The following FGF14 variants were observed in gnomAD, a reference collection of about 807,000 sequenced individuals.
FGF14 encodes fibroblast growth factor 14, also known as fibroblast growth factor homologous factor 4.
FGF14 carries 5 observed loss-of-function variants against 25.5 expected under a neutral mutation model. The ratio of observed to expected loss-of-function variants is 0.20; its 90% CI spans 0.10 to 0.41. The LOEUF (loss-of-function observed/expected upper bound fraction) is 0.41, where lower values mean the gene tolerates loss of function less well. FGF14 is among the 10% of genes least tolerant of loss of function. The probability of loss-of-function intolerance (pLI) is 1.00; values close to 1 mark genes in which losing one functional copy is unlikely to be tolerated. For synonymous variants in FGF14, 138 were observed against 118.3 expected (o/e 1.17, Z -1.08); for missense variants, 222 against 320.1 (o/e 0.69, Z 2.34).
rs2034612217 is a variant in FGF14, at chr13:101,714,251, T to C, written c.*8580A>G. 1.7e-6 allele frequency: 1 copy of C among 593,072 alleles called. No homozygotes were observed. The highest frequency in any genetic ancestry group is 1.9e-5 in the African/African-American group (1 of 53,708). 36.7% of individuals were successfully genotyped at this position (593,072 alleles called of 1,614,324 possible). A position where few individuals can be genotyped will look rare whatever the true frequency, so the allele number is the denominator to read the frequency against. ...AACTGTCTAGATCCATAATGAAGGC[T>C]TTCCTGGGTGACCTTTATGAATTAC... On this transcript the variant is annotated 3_prime_UTR_variant, in exon 5 of 5. Transcript: ENST00000376143.
At chr13:102,317,068 C>T (rs2056060260) in intron 1 of FGF14, among the ~76,000 whole-genome samples, 1 of 152,088 alleles carries the variant, frequency 6.6e-6, no homozygotes, top group Non-Finnish European at 1.5e-5. Flanking sequence ...CCTTCTCAGA[C>T]ATGTGATATA....
At chr13:101,836,474 C>T (rs1039778144) in intron 3 of FGF14, among the ~76,000 whole-genome samples, 25 of 152,130 alleles carry the variant, frequency 1.6e-4, no homozygotes, top group African/African-American at 5.3e-4. Context: ...AAGTGAGGAC[C>T]TACCTGAGGT....
intron 1 of FGF14, among the ~76,000 whole-genome samples, chr13:101,954,671 G>A (rs1196107630): frequency 2.6e-5 from 4 of 151,944 alleles, no homozygotes; most frequent in African/African-American, 4.8e-5. Flanking sequence ...GAGGGCACTC[G>A]GCAGAAGACA....
intron 1 of FGF14, among the ~76,000 whole-genome samples, chr13:102,063,615 CAA>C (rs56352155): frequency 1.5e-5 from 2 of 136,720 alleles, no homozygotes; most frequent in Admixed American, 7.4e-5. Flanking sequence ...GACTCTGTCT[CAA>C]AAAAAAAAAA....
At chr13:101,960,941 C>T (rs539553545) in intron 1 of FGF14, among the ~76,000 whole-genome samples, 2 of 152,118 alleles carry the variant, frequency 1.3e-5, no homozygotes, top group South Asian at 2.1e-4. Context: ...CTTTAATGAT[C>T]GTTGATGTTT....
At chr13:101,843,017 T>C (rs1290646549) in intron 3 of FGF14, among the ~76,000 whole-genome samples, 2 of 152,042 alleles carry the variant, frequency 1.3e-5, no homozygotes, top group African/African-American at 2.4e-5. Flanking sequence ...ATACACACGA[T>C]TGAGGCTTTC....
chr13:101,875,814 C>T (rs1402214256), intron 1 of FGF14, among the ~76,000 whole-genome samples: 1 of 151,978 alleles, frequency 6.6e-6, no homozygotes, highest in African/African-American at 2.4e-5. Flanking sequence ...TTAGGAAAAG[C>T]CCCAATTTGG....
At chr13:101,985,001 A>C (rs60558059) in intron 1 of FGF14, among the ~76,000 whole-genome samples, 8,160 of 152,080 alleles carry the variant, frequency 0.054, 669 homozygotes, top group African/African-American at 0.18. Flanking sequence ...AAAATGTGAA[A>C]AAATAGCTAC....
intron 1 of FGF14, among the ~76,000 whole-genome samples, chr13:102,107,206 T>G (rs906225150): frequency 2.0e-5 from 3 of 152,220 alleles, no homozygotes. Context: ...GAGTTCAGTA[T>G]AGAAATTTGG....
At chr13:102,068,007 C>G (rs1355406034) in intron 1 of FGF14, among the ~76,000 whole-genome samples, 4 of 151,958 alleles carry the variant, frequency 2.6e-5, no homozygotes, top group African/African-American at 9.7e-5. Flanking sequence ...AGTGGCATGA[C>G]GTTTAAAGTG....
intron 1 of FGF14, among the ~76,000 whole-genome samples, chr13:102,273,433 G>C (rs1361528815): frequency 6.6e-6 from 1 of 152,148 alleles, no homozygotes; most frequent in Non-Finnish European, 1.5e-5. Context: ...AGAAGATTTG[G>C]AATGGCCTCC....
intron 1 of FGF14, among the ~76,000 whole-genome samples, chr13:102,145,766 A>C (rs1368477100): frequency 1.2e-4 from 18 of 152,208 alleles, no homozygotes; most frequent in Non-Finnish European, 4.4e-5. Flanking sequence ...TAACCAGTGC[A>C]TTGGTTATCT....
At chr13:102,381,139 T>C (rs9518712) in intron 1 of FGF14, among the ~76,000 whole-genome samples, 4,229 of 152,272 alleles carry the variant, frequency 0.028, 87 homozygotes, top group Admixed American at 0.04. Context: ...AGGATGGTTG[T>C]ATGGGCAGTC....
At chr13:101,975,933 C>T (rs1446892736) in intron 1 of FGF14, among the ~76,000 whole-genome samples, 1 of 152,176 alleles carries the variant, frequency 6.6e-6, no homozygotes, top group African/African-American at 2.4e-5. Flanking sequence ...ACAAGAGGGC[C>T]GTTGGGCCTA....
At chr13:102,279,823 T>C (rs1336657) in intron 1 of FGF14, among the ~76,000 whole-genome samples, 18,766 of 152,266 alleles carry the variant, frequency 0.12, 1,492 homozygotes, top group East Asian at 0.39. Context: ...GGGAACTCTA[T>C]TTGAAATACA....
intron 1 of FGF14, among the ~76,000 whole-genome samples, chr13:102,276,682 G>T (rs930968206): frequency 6.6e-6 from 1 of 152,020 alleles, no homozygotes; most frequent in South Asian, 2.1e-4. Context: ...AAACTACAAA[G>T]AGATGTGTGT....
intron 1 of FGF14, among the ~76,000 whole-genome samples, chr13:101,961,072 C>T (rs1054869247): frequency 1.3e-5 from 2 of 151,894 alleles, no homozygotes; most frequent in African/African-American, 4.8e-5. Flanking sequence ...GTTCCTTGTA[C>T]ATTCTGGATA....
chr13:101,910,806 T>C (rs2032839324), intron 1 of FGF14, among the ~76,000 whole-genome samples: 1 of 151,320 alleles, frequency 6.6e-6, no homozygotes, highest in African/African-American at 2.4e-5. Context: ...TGCATTGACG[T>C]CTCTGAAATG....
intron 3 of FGF14, among the ~76,000 whole-genome samples, chr13:101,802,865 A>G (rs777674078): frequency 9.9e-5 from 15 of 152,162 alleles, no homozygotes; most frequent in African/African-American, 1.2e-4. Flanking sequence ...TGTAAAAAGA[A>G]CAAAATAGAG....
Sources: gnomAD v4.1 joint callset for allele counts (sites outside exome capture counted in the v4.1 genomes callset) on GRCh38, gnomAD v4.1.1 for gene constraint, MANE v1.5 for transcripts, NCBI Gene and HGNC (gene_info 2026-07-23, HGNC 2026-07-21) for gene names.